The following RAB3GAP1 variants were observed in gnomAD, a reference collection of about 807,000 sequenced individuals.
RAB3GAP1 encodes the protein RAB3 GTPase activating protein catalytic subunit 1, also known as rab3 GTPase-activating protein catalytic subunit.
A neutral mutation model predicts 130.7 loss-of-function variants in RAB3GAP1; 86 were observed. That is an observed-to-expected ratio of 0.66 (90% CI 0.55 to 0.79). The LOEUF is 0.79. Ranked by LOEUF, RAB3GAP1 falls within the 30% of genes least tolerant of loss-of-function variation. RAB3GAP1 has a pLI of 0.00. For missense variants in RAB3GAP1, 1,029 were observed against 1,169.4 expected (o/e 0.88, Z 1.75); for synonymous variants, 367 against 401.7 (o/e 0.91, Z 1.03).
chr2:135,062,963 A>C (rs895613225), intron 3 of RAB3GAP1, among the ~76,000 whole-genome samples: 5 of 152,190 alleles, frequency 3.3e-5, no homozygotes, highest in Admixed American at 3.3e-4. Flanking sequence ...GTTGCACACA[A>C]ATAGGGACAG....
intron 13 of RAB3GAP1, among the ~76,000 whole-genome samples, chr2:135,131,947 T>C (rs990077366): frequency 6.6e-6 from 1 of 152,238 alleles, no homozygotes; most frequent in African/African-American, 2.4e-5. Context: ...AACTTAATGT[T>C]AATCTTATCC....
At chr2:135,154,096 T>C (rs927267672) in intron 19 of RAB3GAP1, among the ~76,000 whole-genome samples, 2 of 152,204 alleles carry the variant, frequency 1.3e-5, no homozygotes. Context: ...CTGCTTACCA[T>C]TGAACTGTCT....
At chr2:135,095,237 A>G (rs1690258908) in intron 5 of RAB3GAP1, among the ~76,000 whole-genome samples, 1 of 152,024 alleles carries the variant, frequency 6.6e-6, no homozygotes, top group Non-Finnish European at 1.5e-5. Flanking sequence ...TTTAGTAGAG[A>G]CGGGGTTTCA....
In RAB3GAP1 at chr2:135,109,036, AT is replaced by A. The variant is rs369232713; in HGVS notation, c.363-4112del. Among the ~76,000 whole-genome samples the A allele has an allele frequency of 9.3e-4, 142 of 152,062 alleles. 3 individuals are homozygous for A. The South Asian group carries it at 0.027, about 29-fold the overall frequency. ...TGTCTATTCTGTTCCATTGATCCCTATTTGTTCTTTTGCCATTACCACACTG... is the reference window on the plus strand; with the variant it reads ...TGTCTATTCTGTTCCATTGATCCCTATTGTTCTTTTGCCATTACCACACTG... On this transcript the variant is annotated intron_variant, in intron 5 of 23. Transcript: ENST00000264158.
chr2:135,149,910 G>T (rs1013135184), intron 17 of RAB3GAP1, among the ~76,000 whole-genome samples: 5 of 152,128 alleles, frequency 3.3e-5, no homozygotes, highest in African/African-American at 1.2e-4. Context: ...ACCCGCCTTG[G>T]CTTCCCAAAG....
At chr2:135,176,234 A>C (rs917293649) in intron 24 of RAB3GAP1, 1 of 152,124 alleles carries the variant, frequency 6.6e-6, no homozygotes, top group Non-Finnish European at 1.5e-5. Flanking sequence ...CTATGATCCA[A>C]CCGTCCCCCT....
chr2:135,136,196 C>G (rs1034525396), intron 17 of RAB3GAP1, among the ~76,000 whole-genome samples: 10 of 152,080 alleles, frequency 6.6e-5, no homozygotes, highest in Non-Finnish European at 1.5e-4. Context: ...CACAGTGGCG[C>G]ACACCTGTAG....
intron 5 of RAB3GAP1, among the ~76,000 whole-genome samples, chr2:135,112,691 C>T (rs750956180): frequency 4.6e-5 from 7 of 152,012 alleles, no homozygotes; most frequent in Non-Finnish European, 1.0e-4. Context: ...TTTTCTCAAG[C>T]GGCAACAATA....
chr2:135,071,278 C>G (rs959519591), intron 3 of RAB3GAP1, among the ~76,000 whole-genome samples: 1 of 152,170 alleles, frequency 6.6e-6, no homozygotes, highest in African/African-American at 2.4e-5. Flanking sequence ...AGTCTCTACC[C>G]CCCTAACTTC....
At chr2:135,109,000 T>C (rs1472337775) in intron 5 of RAB3GAP1, among the ~76,000 whole-genome samples, 1 of 152,216 alleles carries the variant, frequency 6.6e-6, no homozygotes, top group Non-Finnish European at 1.5e-5. Flanking sequence ...TATCTGGGTC[T>C]ATTTTTAGGC....
chr2:135,152,669 T>C (rs1470913260), intron 18 of RAB3GAP1, among the ~76,000 whole-genome samples: 1 of 152,200 alleles, frequency 6.6e-6, no homozygotes, highest in Non-Finnish European at 1.5e-5. Context: ...CTAGGGGATA[T>C]GCCCTTAGGG....
intron 18 of RAB3GAP1, among the ~76,000 whole-genome samples, chr2:135,151,208 A>G (rs1034759418): frequency 6.6e-6 from 1 of 152,210 alleles, no homozygotes; most frequent in Non-Finnish European, 1.5e-5. Context: ...AAGTCCACGT[A>G]TATGTTAAAA....
At chr2:135,095,313 G>A (rs1305212488) in intron 5 of RAB3GAP1, among the ~76,000 whole-genome samples, 1 of 152,182 alleles carries the variant, frequency 6.6e-6, no homozygotes, top group African/African-American at 2.4e-5. Context: ...CTCCCAAAGC[G>A]CTGGGATTAT....
At chr2:135,125,444 C>T (rs889433168) in intron 9 of RAB3GAP1, among the ~76,000 whole-genome samples, 2 of 152,022 alleles carry the variant, frequency 1.3e-5, no homozygotes, top group African/African-American at 4.8e-5. Flanking sequence ...GTAAGATTTC[C>T]AGGTGATGTA....
chr2:135,058,272 T>A, intron 3 of RAB3GAP1, 186 bp downstream of exon 3: 1 of 581,216 alleles, frequency 1.7e-6, no homozygotes, highest in Non-Finnish European at 3.1e-6. Flanking sequence ...GTAAGACATT[T>A]GTGAAATGTT....
chr2:135,168,684 CCTA>C lies in RAB3GAP1; in HGVS notation c.2852_2854del (p.Tyr951del), dbSNP rs747547011. 4.3e-6 allele frequency: 7 copies of C among 1,614,210 alleles called. No homozygotes were observed. Among genetic ancestry groups the C allele is most frequent in the Non-Finnish European group, 5.9e-6 (7 of 1,180,038 alleles). ...CGCACCACTGTGCCGCGCCCTGCTC[CCTA>C]CTCCAAAGCTCTGCCTCAGCGGATG... On this transcript the variant is annotated inframe_deletion, in exon 24 of 24. Transcript: ENST00000264158.
At chr2:135,062,049 CAG>C (rs1401371653) in intron 3 of RAB3GAP1, among the ~76,000 whole-genome samples, 1 of 151,158 alleles carries the variant, frequency 6.6e-6, no homozygotes, top group Non-Finnish European at 1.5e-5. Context: ...TTTTTTGAGA[CAG>C]AGTCTCACTC....
chr2:135,174,285 G>A (rs1463055940), downstream of RAB3GAP1, among the ~76,000 whole-genome samples: 7 of 56 alleles, frequency 0.12, no homozygotes, highest in Non-Finnish European at 0.15. Context: ...CAGCCCTCAG[G>A]GTTGGGCCCT....
In RAB3GAP1 at chr2:135,124,218, C is replaced by A; in HGVS notation, c.802C>A (p.Pro268Thr). 1 of 1,614,116 alleles carries A rather than the reference C, an allele frequency of 6.2e-7. No individual in the cohort carries two copies. The highest frequency in any genetic ancestry group is 8.5e-7 in the Non-Finnish European group (1 of 1,179,958). ...TGGAGGCTTGGAGTTTGGCAAGTTA[C>A]CATTTGGTGCCTGCGAAGATCCTAT... ...EVGGLEFGKL[P>T]FGACEDPISE... The change falls in exon 9 of 24, where the codon CCA becomes ACA. Residue 268 changes from proline (P) to threonine (T), a missense_variant. Physicochemically the swap from Pro to Thr is conservative, Grantham distance 38. Transcript: ENST00000264158.
Sources: gnomAD v4.1 joint callset for allele counts (sites outside exome capture counted in the v4.1 genomes callset) on GRCh38, gnomAD v4.1.1 for gene constraint, MANE v1.5 for transcripts, NCBI Gene and HGNC (gene_info 2026-07-23, HGNC 2026-07-21) for gene names.